Variants in INPP4B observed in about 807,000 individuals in gnomAD.
INPP4B encodes inositol polyphosphate-4-phosphatase type II B.
A neutral mutation model predicts 122.5 loss-of-function variants in INPP4B; 55 were observed. The observed-to-expected ratio is 0.45, with a 90% CI of 0.36 to 0.56. The LOEUF is 0.56. Among genes scored for constraint, INPP4B ranks in the 20% least tolerant of loss-of-function variants. The pLI is 0.00. For missense variants in INPP4B, 1,000 were observed against 1,097.7 expected, an observed-to-expected ratio of 0.91 and a Z score of 1.26; for synonymous variants, 403 against 388.7, an observed-to-expected ratio of 1.04 and a Z score of -0.43.
intron 7 of INPP4B, among the ~76,000 whole-genome samples, chr4:142,355,998 G>T (rs72941171): frequency 0.018 from 2,789 of 151,480 alleles, 79 homozygotes; most frequent in African/African-American, 0.064. Context: ...AGATACTACT[G>T]GGGCTACAAA....
intron 9 of INPP4B, among the ~76,000 whole-genome samples, chr4:142,290,194 CCTT>C (rs1267893539): frequency 8.5e-6 from 1 of 117,360 alleles, no homozygotes; most frequent in Admixed American, 8.5e-5. Flanking sequence ...TTTCTTTCTT[CCTT>C]TTTTTTTTTT....
chr4:142,302,044 T>TA (rs1458920727), intron 9 of INPP4B, among the ~76,000 whole-genome samples: 1 of 152,132 alleles, frequency 6.6e-6, no homozygotes, highest in East Asian at 1.9e-4. Context: ...TCCCAAAAAT[T>TA]ACATCAGGTT....
chr4:142,353,392 G>C (rs971600499), intron 7 of INPP4B, among the ~76,000 whole-genome samples: 17 of 151,970 alleles, frequency 1.1e-4, no homozygotes, highest in Non-Finnish European at 2.1e-4. Context: ...TCCCCTAAGA[G>C]AGAATGATCC....
At chr4:142,742,680 G>A (rs1768081306) in intron 1 of INPP4B, among the ~76,000 whole-genome samples, 1 of 151,806 alleles carries the variant, frequency 6.6e-6, no homozygotes, top group Non-Finnish European at 1.5e-5. Flanking sequence ...CCATGGGAAA[G>A]GAAATTTTAA....
At chr4:142,576,208 C>T (rs1733799244) in intron 2 of INPP4B, among the ~76,000 whole-genome samples, 1 of 150,836 alleles carries the variant, frequency 6.6e-6, no homozygotes, top group Admixed American at 6.6e-5. Flanking sequence ...AGGGAAACAT[C>T]CCTGATCTAG....
intron 25 of INPP4B, chr4:142,029,386 G>T (rs1738390803): frequency 1.0e-6 from 1 of 984,242 alleles, no homozygotes; most frequent in Non-Finnish European, 1.2e-6. Flanking sequence ...TATTTTAGCT[G>T]TGCAAGGAAG....
chr4:142,073,692 C>G (rs546074588), intron 25 of INPP4B, among the ~76,000 whole-genome samples: 1 of 152,036 alleles, frequency 6.6e-6, no homozygotes, highest in Non-Finnish European at 1.5e-5. Context: ...TAGGACAAGG[C>G]AGATGGTGTT....
At chr4:142,562,437 T>C (rs1034368609) in intron 2 of INPP4B, among the ~76,000 whole-genome samples, 4 of 152,156 alleles carry the variant, frequency 2.6e-5, no homozygotes, top group African/African-American at 9.7e-5. Flanking sequence ...ATGCATTAAG[T>C]TTTGTAACAT....
chr4:142,340,796 G>A (rs1274685237), intron 7 of INPP4B, among the ~76,000 whole-genome samples: 1 of 152,064 alleles, frequency 6.6e-6, no homozygotes, highest in African/African-American at 2.4e-5. Flanking sequence ...CATGACTAAA[G>A]AGGAAGAAAT....
At chr4:142,581,823 A>G (rs1735149102) in intron 2 of INPP4B, among the ~76,000 whole-genome samples, 1 of 151,992 alleles carries the variant, frequency 6.6e-6, no homozygotes, top group Admixed American at 6.6e-5. Flanking sequence ...AGACTCCTAT[A>G]CCATCTGATC....
At chr4:142,363,156 A>G (rs1305741157) in intron 7 of INPP4B, among the ~76,000 whole-genome samples, 2 of 152,048 alleles carry the variant, frequency 1.3e-5, no homozygotes, top group African/African-American at 4.8e-5. Context: ...ATCAAGTTTT[A>G]GTTACTTGTG....
At chr4:142,715,570 A>G (rs1213473877) in intron 2 of INPP4B, among the ~76,000 whole-genome samples, 1 of 152,116 alleles carries the variant, frequency 6.6e-6, no homozygotes, top group African/African-American at 2.4e-5. Context: ...AAATGTCTAT[A>G]ACCACCTGGT....
chr4:142,638,546 CTTTTT>C (rs3080813), intron 2 of INPP4B, among the ~76,000 whole-genome samples: 1 of 134,316 alleles, frequency 7.4e-6, no homozygotes, highest in Non-Finnish European at 1.6e-5. Context: ...TGTCTATTCT[CTTTTT>C]TTTTTTTTTT....
At chr4:142,602,067 ACAT>A (rs1429312712) in intron 2 of INPP4B, among the ~76,000 whole-genome samples, 1 of 151,932 alleles carries the variant, frequency 6.6e-6, no homozygotes, top group Non-Finnish European at 1.5e-5. Context: ...CTAAGGATCT[ACAT>A]CTAGAGCACC....
chr4:142,563,238 A>G (rs1395772945), intron 2 of INPP4B, among the ~76,000 whole-genome samples: 1 of 152,238 alleles, frequency 6.6e-6, no homozygotes, highest in African/African-American at 2.4e-5. Context: ...CTTATTGGCA[A>G]CATGTCCACT....
intron 2 of INPP4B, among the ~76,000 whole-genome samples, chr4:142,582,669 T>A (rs1348361899): frequency 2.0e-5 from 3 of 152,072 alleles, no homozygotes; most frequent in Non-Finnish European, 2.9e-5. Flanking sequence ...ATAACGAGTT[T>A]GGTGGGTGTG....
chr4:142,257,226 G>C (rs1429280432), intron 11 of INPP4B, among the ~76,000 whole-genome samples: 2 of 152,050 alleles, frequency 1.3e-5, no homozygotes, highest in Non-Finnish European at 2.9e-5. Context: ...AGAGCTATCT[G>C]TGACAAACCC....
intron 5 of INPP4B, chr4:142,423,760 G>A: frequency 7.1e-6 from 3 of 421,204 alleles, no homozygotes; most frequent in South Asian, 3.5e-5. Context: ...CGCTTCCATA[G>A]AAAAAAAACA....
chr4:142,753,686 T>C (rs913794468), intron 1 of INPP4B, among the ~76,000 whole-genome samples: 2 of 152,188 alleles, frequency 1.3e-5, no homozygotes, highest in Non-Finnish European at 2.9e-5. Context: ...ATCTCACCTA[T>C]AGTAGAATAT....
Sources: gnomAD v4.1 joint callset for allele counts (sites outside exome capture counted in the v4.1 genomes callset) on GRCh38, gnomAD v4.1.1 for gene constraint, MANE v1.5 for transcripts, NCBI Gene and HGNC (gene_info 2026-07-23, HGNC 2026-07-21) for gene names.